ARHGAP11B: variants seen among roughly 807,000 people sequenced by gnomAD.
The protein encoded by ARHGAP11B is inactive Rho GTPase-activating protein 11B.
Under a neutral mutation model 27.6 loss-of-function variants are expected in ARHGAP11B, and 14 were observed. The ratio of observed to expected loss-of-function variants is 0.51; its 90% CI spans 0.34 to 0.79. ARHGAP11B has a LOEUF of 0.79. Among genes scored for constraint, ARHGAP11B ranks in the 30% least tolerant of loss-of-function variants. The pLI, the probability that ARHGAP11B is intolerant of heterozygous loss-of-function variation, is 0.02. For synonymous variants in ARHGAP11B, 82 were observed against 114.1 expected (o/e 0.72, Z 1.80); for missense variants, 245 against 320.1 (o/e 0.77, Z 1.79).
Position 30,633,597 on chromosome 15 carries a change from T to C in ARHGAP11B, c.297+11T>C, listed in dbSNP as rs759931315. The C allele has an allele frequency of 2.9e-5, 47 of 1,599,200 alleles. No individual in the cohort carries two copies. The highest frequency in any genetic ancestry group is 3.4e-5 in the Non-Finnish European group (40 of 1,173,370). On this transcript the variant is annotated intron_variant, in intron 3 of 10. Coordinates refer to ENST00000428041, the Ensembl canonical transcript of ARHGAP11B. The stretch of plus-strand genomic sequence containing the variant: ...CTAAAAGCACTAAAGGTGAGCATAT[T>C]GTTGAACTATAATTTTTCATTTGAG...
At chr15:30,645,054 A>G (rs1435461938) in intron 8 of ARHGAP11B, among the ~76,000 whole-genome samples, 5 of 151,868 alleles carry the variant, frequency 3.3e-5, no homozygotes, top group African/African-American at 9.7e-5. Flanking sequence ...GGGGACAACA[A>G]GGAAGGATTG....
chr15:30,635,145 C>G (rs748562871), exon 5 of ARHGAP11B: 1 of 1,613,386 alleles, frequency 6.2e-7, no homozygotes, highest in African/African-American at 1.3e-5. Flanking sequence ...CTTCTTCAGA[C>G]AAGTGAAGGA....
chr15:30,627,667 A>T (rs575036534), intron 1 of ARHGAP11B, among the ~76,000 whole-genome samples: 1 of 152,108 alleles, frequency 6.6e-6, no homozygotes, highest in African/African-American at 2.4e-5. Context: ...ATGAGATTTT[A>T]ATAGCTCTGC....
intron 7 of ARHGAP11B, among the ~76,000 whole-genome samples, chr15:30,639,971 A>AGAGAGTGT (rs371550239): frequency 1.4e-4 from 20 of 143,288 alleles, no homozygotes; most frequent in African/African-American, 4.9e-4. Context: ...TTCAATATAG[A>AGAGAGTGT]GTGTGTGTGT....
chr15:30,626,324 C>G (rs1431155595), exon 1 of ARHGAP11B: 3 of 153,058 alleles, frequency 2.0e-5, no homozygotes, highest in Non-Finnish European at 4.4e-5. Context: ...GCCTGAGCAG[C>G]CGGCTGGTCC....
At chr15:30,648,099 A>G (rs1051207956) in intron 10 of ARHGAP11B, among the ~76,000 whole-genome samples, 1 of 151,960 alleles carries the variant, frequency 6.6e-6, no homozygotes, top group Admixed American at 6.6e-5. Context: ...GCGCCAGGCT[A>G]ACTGTTACTG....
chr15:30,639,971 AGTGTGTGT>A lies in ARHGAP11B; in HGVS notation c.*78+1186_*78+1193del, dbSNP rs71103435. Reference sequence around the variant, plus strand: ...TAAAATAGACAGTGTTTCAATATAGAGTGTGTGTGTGTGTGTGTGTGTGTGTGTGTGTG... The same window carrying A: ...TAAAATAGACAGTGTTTCAATATAGAGTGTGTGTGTGTGTGTGTGTGTGTG... On this transcript the variant is annotated intron_variant, in intron 7 of 10. Coordinates refer to ENST00000428041, the Ensembl canonical transcript of ARHGAP11B. Among the ~76,000 whole-genome samples the A allele has an allele frequency of 7.2e-4, 103 of 143,278 alleles. 1 individual carries two copies. Among genetic ancestry groups the A allele is most frequent in the South Asian group, 1.8e-3 (8 of 4,354 alleles). The allele number at this position is 143,278 out of a possible 152,430, so 94.0% of individuals were successfully genotyped here.
intron 2 of ARHGAP11B, among the ~76,000 whole-genome samples, chr15:30,632,604 A>G (rs950065620): frequency 2.6e-5 from 4 of 151,274 alleles, no homozygotes; most frequent in Non-Finnish European, 5.9e-5. Flanking sequence ...ATACAGCTGT[A>G]TCAATTGTTG....
At chr15:30,636,617 T>C (rs958624545) in intron 6 of ARHGAP11B, among the ~76,000 whole-genome samples, 2 of 152,156 alleles carry the variant, frequency 1.3e-5, no homozygotes, top group African/African-American at 4.8e-5. Context: ...CTAGGGCTAC[T>C]GTAGCAAAGT....
intron 9 of ARHGAP11B, among the ~76,000 whole-genome samples, chr15:30,646,863 C>G (rs1372614705): frequency 1.3e-5 from 2 of 149,774 alleles, no homozygotes; most frequent in Non-Finnish European, 3.0e-5. Context: ...TAGCTACTGG[C>G]GAGGCTGAGG....
intron 2 of ARHGAP11B, among the ~76,000 whole-genome samples, chr15:30,631,789 T>TC (rs1288842764): frequency 6.8e-6 from 1 of 146,242 alleles, no homozygotes; most frequent in East Asian, 2.0e-4. Flanking sequence ...CTTTTGTTCT[T>TC]TTTTTTTTTT....
intron 2 of ARHGAP11B, among the ~76,000 whole-genome samples, chr15:30,632,427 GAA>G (rs1255750048): frequency 7.0e-6 from 1 of 142,192 alleles, no homozygotes; most frequent in African/African-American, 2.6e-5. Context: ...AAAACTAAAA[GAA>G]AAAAAAAAAG....
intron 1 of ARHGAP11B, among the ~76,000 whole-genome samples, chr15:30,628,779 G>A (rs1415766538): frequency 6.6e-6 from 1 of 152,030 alleles, no homozygotes; most frequent in African/African-American, 2.4e-5. Context: ...TTCTTTAGCC[G>A]ACTGGTGTTT....
intron 1 of ARHGAP11B, among the ~76,000 whole-genome samples, chr15:30,628,477 G>A (rs1293682374): frequency 6.6e-6 from 1 of 151,926 alleles, no homozygotes; most frequent in Non-Finnish European, 1.5e-5. Flanking sequence ...TGTAAACTTG[G>A]GCTGCTTGTT....
intron 1 of ARHGAP11B, among the ~76,000 whole-genome samples, chr15:30,627,867 A>G (rs139970920): frequency 3.3e-5 from 5 of 152,164 alleles, no homozygotes; most frequent in African/African-American, 1.2e-4. Flanking sequence ...AACAAAAGTA[A>G]TATGTGTGTC....
At chr15:30,646,472 G>C (rs1394210740) in intron 9 of ARHGAP11B, among the ~76,000 whole-genome samples, 7 of 151,894 alleles carry the variant, frequency 4.6e-5, no homozygotes, top group African/African-American at 1.7e-4. Context: ...GAGAGTAGAT[G>C]GTGATTTTGA....
intron 2 of ARHGAP11B, among the ~76,000 whole-genome samples, chr15:30,633,235 G>A (rs1403917806): frequency 6.6e-6 from 1 of 151,714 alleles, no homozygotes; most frequent in Non-Finnish European, 1.5e-5. Context: ...CTGAAGGGAA[G>A]CAGAAATGAA....
chr15:30,640,062 G>A (rs918528525), intron 7 of ARHGAP11B, among the ~76,000 whole-genome samples: 1 of 146,632 alleles, frequency 6.8e-6, no homozygotes, highest in Non-Finnish European at 1.5e-5. Context: ...AGTAGTTTGG[G>A]CTTCTGGTGA....
At chr15:30,641,704 C>T (rs2060316631) in intron 7 of ARHGAP11B, 1 of 152,210 alleles carries the variant, frequency 6.6e-6, no homozygotes, top group Admixed American at 6.6e-5. Context: ...CCTTCTGCGA[C>T]CATTGACGCA....
Sources: allele counts gnomAD v4.1 joint callset (sites outside exome capture counted in the v4.1 genomes callset), GRCh38; gene constraint gnomAD v4.1.1; transcripts MANE v1.5; gene names NCBI Gene and HGNC (gene_info 2026-07-23, HGNC 2026-07-21).